The following ETV1 variants were observed in gnomAD, a reference collection of about 807,000 sequenced individuals.
ETV1 encodes the protein ETS variant transcription factor 1, also known as ETS translocation variant 1.
In ETV1, 27 loss-of-function variants were observed where a neutral mutation model predicts 62.3. The observed-to-expected ratio is 0.43, with a 90% CI of 0.32 to 0.60. The LOEUF (loss-of-function observed/expected upper bound fraction) is 0.60, where lower values mean the gene tolerates loss of function less well. Ranked by LOEUF, ETV1 falls within the 20% of genes least tolerant of loss-of-function variation. ETV1 has a pLI of 0.06. For synonymous variants in ETV1, 222 were observed against 199.6 expected (o/e 1.11, Z -0.94); for missense variants, 605 against 605.8 (o/e 1.00, Z 0.01).
chr7:13,893,644 C>G lies in ETV1; in HGVS notation c.*2222G>C, dbSNP rs1583534264. On this transcript the variant is annotated 3_prime_UTR_variant, in exon 14 of 14. Coordinates refer to ENST00000430479, the MANE Select transcript of ETV1 (RefSeq NM_004956.5). ...AAAAGAGAAAAAGAAAAAAAAGGAA[C>G]AAAAATGAATCCTCAATACAGTTTT... is the stretch of plus-strand genomic sequence containing the variant. 1 of 232,300 alleles carries G rather than the reference C, an allele frequency of 4.3e-6. No individual in the cohort carries two copies. The highest frequency in any genetic ancestry group is 6.1e-5 in the East Asian group (1 of 16,308). The allele number at this position is 232,300 out of a possible 1,614,324, so 14.4% of individuals were successfully genotyped here. A position where few individuals can be genotyped will look rare whatever the true frequency, so the allele number is the denominator to read the frequency against.
At chr7:13,960,076 A>G (rs1441811352) in intron 6 of ETV1, among the ~76,000 whole-genome samples, 1 of 151,586 alleles carries the variant, frequency 6.6e-6, no homozygotes, top group Non-Finnish European at 1.5e-5. Context: ...CATCTAAAGT[A>G]TTTCTTCTTT....
At chr7:13,934,724 T>TG (rs1264605070) in intron 8 of ETV1, among the ~76,000 whole-genome samples, 4 of 152,252 alleles carry the variant, frequency 2.6e-5, no homozygotes, top group Non-Finnish European at 5.9e-5. Flanking sequence ...CTTATGTCTC[T>TG]GGTATCCGTA....
chr7:13,906,497 G>T lies in ETV1; in HGVS notation c.1043C>A (p.Pro348His). ...CCAGGCAATAAAATGAGAATTTGAA[G>T]GGTCATCCAGAAGAGCTACCAAAAA... ...WQFLVALLDD[P>H]SNSHFIAWTG... The change falls in exon 12 of 14, where the codon CCT becomes CAT. Residue 348 changes from proline to histidine, a missense_variant. By Grantham distance (77) the Pro-to-His change is moderately conservative. Transcript: ENST00000430479. 6.2e-7 allele frequency: 1 copy of T among 1,610,860 alleles called. No individual in the cohort carries two copies. Among genetic ancestry groups the T allele is most frequent in the Non-Finnish European group, 8.5e-7 (1 of 1,178,446 alleles).
intron 6 of ETV1, among the ~76,000 whole-genome samples, chr7:13,960,581 T>C (rs1790052889): frequency 3.9e-5 from 6 of 152,082 alleles, no homozygotes; most frequent in Admixed American, 3.9e-4. Context: ...CTCCAATCTA[T>C]AAATCTATAA....
At chr7:13,898,528 A>G (rs1370315461) in intron 13 of ETV1, among the ~76,000 whole-genome samples, 1 of 152,198 alleles carries the variant, frequency 6.6e-6, no homozygotes, top group Non-Finnish European at 1.5e-5. Flanking sequence ...TGTAAGGTAA[A>G]CATACACTGT....
chr7:13,900,390 C>G (rs1030894219), intron 13 of ETV1: 4 of 194,022 alleles, frequency 2.1e-5, no homozygotes, highest in African/African-American at 9.3e-5. Context: ...TTCTTTATTG[C>G]TATAAACAAA....
rs1219724535 is a variant in ETV1 at position 13,895,513 on chromosome 7, T to C, written c.*353A>G. On this transcript the variant is annotated 3_prime_UTR_variant, in exon 14 of 14. Transcript: ENST00000430479. ...CATAGATACCCCGATAAAATAAACATTATCTTATGTTGTTATGAAATCAAA... is the reference window on the plus strand; with the variant it reads ...CATAGATACCCCGATAAAATAAACACTATCTTATGTTGTTATGAAATCAAA... The C allele has an allele frequency of 3.6e-6, 1 of 278,396 alleles. No homozygotes were observed. The highest frequency in any genetic ancestry group is 6.9e-6 in the Non-Finnish European group (1 of 145,358). The allele number at this position is 278,396 out of a possible 1,614,324, so 17.2% of individuals were successfully genotyped here. A position where few individuals can be genotyped will look rare whatever the true frequency, so the allele number is the denominator to read the frequency against.
chr7:13,894,034 T>G lies in ETV1; in HGVS notation c.*1832A>C. The G allele has an allele frequency of 4.3e-6, 1 of 232,976 alleles. No individual in the cohort carries two copies. Among genetic ancestry groups the G allele is most frequent in the South Asian group, 1.8e-4 (1 of 5,524 alleles). The allele number at this position is 232,976 out of a possible 1,614,324, so 14.4% of individuals were successfully genotyped here. On this transcript the variant is annotated 3_prime_UTR_variant, in exon 14 of 14. Transcript: ENST00000430479. The stretch of plus-strand genomic sequence containing the variant: ...TTGATAACTGCTCCACTTAGAGAAA[T>G]GAGCTGTGATCTGTGTAGTTTTGGA...
chr7:13,905,104 G>T (rs954764016), intron 12 of ETV1, among the ~76,000 whole-genome samples: 4 of 151,656 alleles, frequency 2.6e-5, no homozygotes, highest in African/African-American at 9.7e-5. Context: ...TCTAACCAGT[G>T]CCTTTTATTT....
chr7:13,928,850 C>T (rs762318392), intron 9 of ETV1, among the ~76,000 whole-genome samples: 3 of 152,084 alleles, frequency 2.0e-5, no homozygotes, highest in Non-Finnish European at 4.4e-5. Flanking sequence ...CCCAGTTACT[C>T]GGGAGGCTGA....
At chr7:13,957,230 C>T (rs1044379564) in intron 6 of ETV1, among the ~76,000 whole-genome samples, 15 of 152,032 alleles carry the variant, frequency 9.9e-5, no homozygotes, top group Admixed American at 6.6e-4. Context: ...GGACTACAGG[C>T]GGCCGCCACC....
At position 13,895,061 on chromosome 7, in the gene ETV1, A is replaced by G. The variant is rs1221041033; in HGVS notation, c.*805T>C. ...TAAATGAAGATTCCAAAGGACCATG[A>G]CATGTCATTATTTAACTGAAATGGG... On this transcript the variant is annotated 3_prime_UTR_variant, in exon 14 of 14. Transcript: ENST00000430479. 3 of 233,248 alleles carry G rather than the reference A, an allele frequency of 1.3e-5. No homozygotes were observed. The highest frequency in any genetic ancestry group is 4.4e-5 in the African/African-American group (2 of 45,310). 14.4% of individuals were successfully genotyped at this position (233,248 alleles called of 1,614,324 possible).
chr7:13,955,371 T>C (rs1164738889), intron 6 of ETV1, among the ~76,000 whole-genome samples: 1 of 152,216 alleles, frequency 6.6e-6, no homozygotes, highest in East Asian at 1.9e-4. Flanking sequence ...AGACTGTGAT[T>C]GGGCAGGGCC....
chr7:13,899,692 A>C (rs992881166), intron 13 of ETV1, among the ~76,000 whole-genome samples: 4 of 152,240 alleles, frequency 2.6e-5, no homozygotes, highest in Non-Finnish European at 4.4e-5. Flanking sequence ...AAGCAATTAG[A>C]TTTCTGTACA....
intron 6 of ETV1, among the ~76,000 whole-genome samples, chr7:13,948,370 C>T (rs541836396): frequency 8.5e-5 from 13 of 152,262 alleles, no homozygotes; most frequent in South Asian, 4.1e-4. Context: ...AAGAGAAACA[C>T]GTCATATTTT....
chr7:13,922,463 T>C (rs1304101453), intron 9 of ETV1, among the ~76,000 whole-genome samples: 1 of 152,214 alleles, frequency 6.6e-6, no homozygotes, highest in Non-Finnish European at 1.5e-5. Context: ...GACATTGGAA[T>C]GTTCAGACAG....
chr7:13,988,103 A>G lies in ETV1; in HGVS notation c.116T>C (p.Leu39Pro). 1 of 1,611,180 alleles carries G rather than the reference A, an allele frequency of 6.2e-7. No homozygotes were observed. Among genetic ancestry groups the G allele is most frequent in the Non-Finnish European group, 8.5e-7 (1 of 1,177,346 alleles). ...VRKRKFINRDLAHDSEELFQD... is the reference protein window; with the variant it reads ...VRKRKFINRDPAHDSEELFQD... ...AACCTCACCTTCTGAATCATGAGCC[A>G]GATCTCTGTTAATGAATTTTCTTTT... Residue 39 changes from leucine (L) to proline (P), a missense_variant, in exon 4 of 14, where the codon CTG becomes CCG. By Grantham distance (98) the Leu-to-Pro change is moderately conservative. Around this residue, in one of 3 missense-constraint regions of ETV1, gnomAD observed 426 missense variants for 377.8 expected, o/e 1.13. Transcript: ENST00000430479.
rs1782844444 is a variant in ETV1, at chr7:13,989,266, A to T, written c.-88+2T>A. The stretch of plus-strand genomic sequence containing the variant: ...TAACCCTCCCTACACCGCCTCCTTC[A>T]CCTGGATCCAAAGAGAGCCAACAGA... On this transcript the variant is annotated splice_donor_variant, in intron 2 of 13. Transcript: ENST00000430479. LOFTEE classifies it low-confidence loss of function (5UTR_SPLICE). The T allele has an allele frequency of 2.7e-5, 15 of 550,442 alleles. No individual in the cohort carries two copies. The South Asian group carries it at 3.5e-4, about 13-fold the overall frequency. 34.1% of individuals were successfully genotyped at this position (550,442 alleles called of 1,614,324 possible).
intron 8 of ETV1, among the ~76,000 whole-genome samples, chr7:13,934,758 G>A (rs1053521007): frequency 2.0e-5 from 3 of 152,144 alleles, no homozygotes; most frequent in African/African-American, 7.2e-5. Flanking sequence ...ACATTACGCT[G>A]TGCTATTGCA....
Sources: gnomAD v4.1 joint callset for allele counts (sites outside exome capture counted in the v4.1 genomes callset) on GRCh38, gnomAD v4.1.1 for gene constraint, gnomAD v4.1.1 regional missense constraint, MANE v1.5 for transcripts, NCBI Gene and HGNC (gene_info 2026-07-23, HGNC 2026-07-21) for gene names.